Variants in UNCX observed in about 807,000 individuals in gnomAD.
UNCX encodes homeobox protein unc-4 homolog.
A neutral mutation model predicts 14.8 loss-of-function variants in UNCX; 4 were observed. The ratio of observed to expected loss-of-function variants is 0.27; its 90% CI spans 0.13 to 0.62. The LOEUF is 0.62. Among genes scored for constraint, UNCX ranks in the 20% least tolerant of loss-of-function variants. The pLI is 0.86. For missense variants in UNCX, 749 were observed against 786.8 expected (o/e 0.95, Z 0.58); for synonymous variants, 459 against 395.8 (o/e 1.16, Z -1.90).
chr7:1,235,957 C>A lies in UNCX; in HGVS notation c.576C>A (p.Ile192=), dbSNP rs755901417. The A allele has an allele frequency of 1.2e-6, 2 of 1,612,192 alleles. No homozygotes were observed. Among genetic ancestry groups the A allele is most frequent in the South Asian group, 1.1e-5 (1 of 90,986 alleles). ...GCGAGCCCATGGACCCGGAGGAGAT[C>A]GCGCGCAAGGAGCTGGAGAAGATGG... ...CSGEPMDPEE[I]ARKELEKMEK... The change falls in exon 3 of 3, where the codon ATC becomes ATA. Residue 192 remains isoleucine (I), a synonymous_variant. Transcript: ENST00000316333.
Position 1,236,362 on chromosome 7 carries a change from CA to C in UNCX, c.983del (p.Lys328ArgfsTer45). The C allele has an allele frequency of 7.4e-7, 1 of 1,344,066 alleles. No individual in the cohort carries two copies. The highest frequency in any genetic ancestry group is 9.6e-7 in the Non-Finnish European group (1 of 1,045,004). 83.3% of individuals were successfully genotyped at this position (1,344,066 alleles called of 1,614,324 possible). Reference sequence around the variant, plus strand: ...TGGAGCGCGGCGCCGCGGGGCTGCCCAAGGCCAGCCCATTCAGCGTGGAGAG... The same window carrying C: ...TGGAGCGCGGCGCCGCGGGGCTGCCCAGGCCAGCCCATTCAGCGTGGAGAG... The part of the protein sequence containing the change: ...AVERGAAGLP[K>X]ASPFSVESLL... On this transcript the variant is annotated frameshift_variant, in exon 3 of 3. Transcript: ENST00000316333. LOFTEE classifies it low-confidence loss of function (END_TRUNC). This position sits in a 1 kb window ranked among gnomAD's most constrained non-coding sequence, Gnocchi z 6.9.
At position 1,236,777 on chromosome 7, in the gene UNCX, G is replaced by A; in HGVS notation, c.1396G>A (p.Ala466Thr). 2 of 987,616 alleles carry A rather than the reference G, an allele frequency of 2.0e-6. No homozygotes were observed. Among genetic ancestry groups the A allele is most frequent in the Non-Finnish European group, 2.4e-6 (2 of 832,970 alleles). The allele number at this position is 987,616 out of a possible 1,614,324, so 61.2% of individuals were successfully genotyped here. A position where few individuals can be genotyped will look rare whatever the true frequency, so the allele number is the denominator to read the frequency against. ...APAPFRDLAS[A>T]AATEGGGGDC... ...GGCGCCTTTCCGGGACCTCGCCTCG[G>A]CAGCGGCTACCGAGGGCGGCGGCGG... The change falls in exon 3 of 3, where the codon GCA becomes ACA. Residue 466 changes from alanine (A) to threonine (T), a missense_variant. Ala to Thr is a moderately conservative substitution (Grantham distance 58). Transcript: ENST00000316333. The surrounding 1 kb of genome is among the most constrained non-coding windows in gnomAD (Gnocchi z 6.9).
In UNCX at chr7:1,233,167, G is replaced by A. The variant is rs1389699428; in HGVS notation, c.150G>A (p.Val50=). 6.8e-7 allele frequency: 1 copy of A among 1,463,570 alleles called. No individual in the cohort carries two copies. Among genetic ancestry groups the A allele is most frequent in the South Asian group, 1.3e-5 (1 of 77,504 alleles). 90.7% of individuals were successfully genotyped at this position (1,463,570 alleles called of 1,614,324 possible). Residue 50 remains valine (V), a synonymous_variant, in exon 1 of 3, where the codon GTG becomes GTA. Transcript: ENST00000316333. This position sits in a 1 kb window ranked among gnomAD's most constrained non-coding sequence, Gnocchi z 5.3. ...QLQSAAAAAS[V]PFSIDGLLGG... ...AGTCGGCCGCCGCCGCCGCCTCGGT[G>A]CCCTTCTCCATCGACGGCCTGCTCG...
Position 1,233,398 on chromosome 7 carries a change from T to C in UNCX, c.274+107T>C, listed in dbSNP as rs1323035406. The C allele has an allele frequency of 7.9e-7, 1 of 1,266,256 alleles. No homozygotes were observed. The highest frequency in any genetic ancestry group is 1.0e-6 in the Non-Finnish European group (1 of 996,152). 78.4% of individuals were successfully genotyped at this position (1,266,256 alleles called of 1,614,324 possible). On this transcript the variant is annotated intron_variant, in intron 1 of 2. Coordinates refer to ENST00000316333, the MANE Select transcript of UNCX (RefSeq NM_001080461.3). The surrounding 1 kb of genome is among the most constrained non-coding windows in gnomAD (Gnocchi z 5.3). ...GGGCTGGCGAAGGAGAGCCGGCTCCTAGGCGGCCGTCTCTGCGCCCCCCCC... is the reference window on the plus strand; with the variant it reads ...GGGCTGGCGAAGGAGAGCCGGCTCCCAGGCGGCCGTCTCTGCGCCCCCCCC...
Position 1,237,095 on chromosome 7 carries a change from TTTTC to T in UNCX, c.*126_*129del, listed in dbSNP as rs1778763590. Reference sequence around the variant, plus strand: ...CACTGCTTTCCCTTCTTTTCTTTTGTTTTCTTTCTTTTATTATTTTTTTTAAGAG... The same window carrying T: ...CACTGCTTTCCCTTCTTTTCTTTTGTTTTCTTTTATTATTTTTTTTAAGAG... On this transcript the variant is annotated 3_prime_UTR_variant, in exon 3 of 3. Coordinates refer to ENST00000316333, the MANE Select transcript of UNCX (RefSeq NM_001080461.3). This position sits in a 1 kb window ranked among gnomAD's most constrained non-coding sequence, Gnocchi z 5.8. 2.2e-6 allele frequency: 2 copies of T among 895,682 alleles called. No individual in the cohort carries two copies. Among genetic ancestry groups the T allele is most frequent in the Non-Finnish European group, 2.7e-6 (2 of 733,764 alleles). 55.5% of individuals were successfully genotyped at this position (895,682 alleles called of 1,614,324 possible).
rs1778673605 is a variant in UNCX at position 1,233,113 on chromosome 7, C to A, written c.96C>A (p.His32Gln). 6.8e-7 allele frequency: 1 copy of A among 1,464,018 alleles called. No individual in the cohort carries two copies. The highest frequency in any genetic ancestry group is 9.0e-7 in the Non-Finnish European group (1 of 1,111,544). 90.7% of individuals were successfully genotyped at this position (1,464,018 alleles called of 1,614,324 possible). Residue 32 changes from histidine to glutamine, a missense_variant, in exon 1 of 3, where the codon CAC (histidine) becomes CAA (glutamine). Physicochemically the swap from His to Gln is conservative, Grantham distance 24. Around this residue, in one of 3 missense-constraint regions of UNCX, gnomAD observed 155 missense variants for 166.7 expected, o/e 0.93. Transcript: ENST00000316333. The surrounding 1 kb of genome is among the most constrained non-coding windows in gnomAD (Gnocchi z 5.3). ...VGFPYPLGHH[H>Q]VYELAGHQLQ... ...TCCCCTACCCGCTGGGCCACCACCA[C>A]GTGTACGAGCTGGCCGGGCACCAGC...
At chr7:1,234,362 G>A (rs1022785771) in intron 2 of UNCX, among the ~76,000 whole-genome samples, 5 of 152,120 alleles carry the variant, frequency 3.3e-5, no homozygotes, top group Non-Finnish European at 1.5e-5. Flanking sequence ...TTTGGAGATG[G>A]CTGATGGTAT....
In UNCX at chr7:1,233,657, C is replaced by T; in HGVS notation, c.412C>T (p.Leu138=). ...TCCCGACGTGTTCATGCGCGAGGCG[C>T]TGGCGCTGCGCCTAGACCTGGTCGA... ...HYPDVFMREA[L]ALRLDLVESR... is the part of the protein sequence containing the mutation. Residue 138 remains leucine, a synonymous_variant, in exon 2 of 3, where the codon CTG becomes TTG. Transcript: ENST00000316333. This position sits in a 1 kb window ranked among gnomAD's most constrained non-coding sequence, Gnocchi z 5.3. The T allele has an allele frequency of 1.2e-6, 2 of 1,612,158 alleles. No individual in the cohort carries two copies. Among genetic ancestry groups the T allele is most frequent in the Non-Finnish European group, 1.7e-6 (2 of 1,179,376 alleles).
Position 1,236,512 on chromosome 7 carries a change from C to T in UNCX, c.1131C>T (p.His377=). The change falls in exon 3 of 3, where the codon CAC becomes CAT. Residue 377 remains histidine (H), a synonymous_variant. Transcript: ENST00000316333. The surrounding 1 kb of genome is among the most constrained non-coding windows in gnomAD (Gnocchi z 6.9). ...CAPRTLIGKG[H]FLLYPITQPL... The stretch of plus-strand genomic sequence containing the variant: ...CGCGGACCCTGATCGGCAAGGGCCA[C>T]TTCCTCCTCTACCCCATCACGCAGC... 6 of 1,410,284 alleles carry T rather than the reference C, an allele frequency of 4.3e-6. No individual in the cohort carries two copies. Among genetic ancestry groups the T allele is most frequent in the South Asian group, 1.3e-5 (1 of 74,446 alleles). The allele number at this position is 1,410,284 out of a possible 1,614,324, so 87.4% of individuals were successfully genotyped here.
rs1001026615 is a variant in UNCX, at chr7:1,236,970, T to C, written c.1589T>C (p.Met530Thr). Residue 530 changes from methionine (M) to threonine (T), a missense_variant, in exon 3 of 3, where the codon ATG becomes ACG. By Grantham distance (81) the Met-to-Thr change is moderately conservative. Coordinates refer to ENST00000316333, the MANE Select transcript of UNCX (RefSeq NM_001080461.3). This position sits in a 1 kb window ranked among gnomAD's most constrained non-coding sequence, Gnocchi z 6.9. ...PSPPEGEELDMD is the reference protein window; with the variant it reads ...PSPPEGEELDTD ...CCGCCGGAGGGCGAGGAGCTGGACA[T>C]GGACTGAGGCCGCGGCGGCCGGGAG... 3.9e-5 allele frequency: 46 copies of C among 1,192,702 alleles called. No homozygotes were observed. The highest frequency in any genetic ancestry group is 9.1e-5 in the Admixed American group (2 of 22,090). 73.9% of individuals were successfully genotyped at this position (1,192,702 alleles called of 1,614,324 possible). A position where few individuals can be genotyped will look rare whatever the true frequency, so the allele number is the denominator to read the frequency against.
rs1412189550 is a variant in UNCX at position 1,235,947 on chromosome 7, C to G, written c.566C>G (p.Pro189Arg). The change falls in exon 3 of 3, where the codon CCG (proline) becomes CGG (arginine). Residue 189 changes from proline (P) to arginine (R), a missense_variant. Physicochemically the swap from Pro to Arg is moderately radical, Grantham distance 103 (BLOSUM62 -2). Coordinates refer to ENST00000316333, the MANE Select transcript of UNCX (RefSeq NM_001080461.3). The part of the protein sequence containing the change: ...PTTCSGEPMD[P>R]EEIARKELEK... ...ACGTGCAGCGGCGAGCCCATGGACC[C>G]GGAGGAGATCGCGCGCAAGGAGCTG... is the stretch of plus-strand genomic sequence containing the variant. 1.9e-6 allele frequency: 3 copies of G among 1,612,274 alleles called. No homozygotes were observed. Among genetic ancestry groups the G allele is most frequent in the African/African-American group, 2.7e-5 (2 of 74,916 alleles).
rs1179900121 is a variant in UNCX at position 1,236,262 on chromosome 7, G to C, written c.881G>C (p.Gly294Ala). 1 of 1,378,278 alleles carries C rather than the reference G, an allele frequency of 7.3e-7. No individual in the cohort carries two copies. The highest frequency in any genetic ancestry group is 9.4e-7 in the Non-Finnish European group (1 of 1,058,816). The allele number at this position is 1,378,278 out of a possible 1,614,324, so 85.4% of individuals were successfully genotyped here. ...AFYPSQRSGA[G>A]PQPRPGRPAD... ...TACCCGAGCCAAAGAAGCGGCGCCG[G>C]CCCACAGCCGCGCCCAGGTCGCCCT... is the stretch of plus-strand genomic sequence containing the variant. Residue 294 changes from glycine (G) to alanine (A), a missense_variant, in exon 3 of 3, where the codon GGC becomes GCC. Gly to Ala is a moderately conservative substitution (Grantham distance 60). This residue lies in a region of UNCX where 552 missense variants were observed against 507.2 expected (regional missense o/e 1.09). Transcript: ENST00000316333. This position sits in a 1 kb window ranked among gnomAD's most constrained non-coding sequence, Gnocchi z 6.9.
chr7:1,235,760 G>T (rs1457188331), intron 2 of UNCX, 72 bp from the exon 3 acceptor site: 4 of 1,410,824 alleles, frequency 2.8e-6, no homozygotes, highest in Non-Finnish European at 3.9e-6. Flanking sequence ...GGGGGGAGCG[G>T]GGAGGTCCTC....
At chr7:1,234,085 C>G (rs894077752) in intron 2 of UNCX, among the ~76,000 whole-genome samples, 2 of 151,938 alleles carry the variant, frequency 1.3e-5, no homozygotes, top group Non-Finnish European at 2.9e-5. Context: ...GACCCCCCCC[C>G]GCCCCCGCAC....
intron 2 of UNCX, among the ~76,000 whole-genome samples, chr7:1,234,553 C>T (rs1295137263): frequency 6.6e-6 from 1 of 151,296 alleles, no homozygotes; most frequent in Non-Finnish European, 1.5e-5. Context: ...GCTGGCAAAA[C>T]GCCTGTTTAT....
Position 1,236,525 on chromosome 7 carries a change from C to G in UNCX, c.1144C>G (p.Pro382Ala). ...LIGKGHFLLY[P>A]ITQPLGFLVP... ...CGGCAAGGGCCACTTCCTCCTCTAC[C>G]CCATCACGCAGCCGCTCGGCTTCCT... is the stretch of plus-strand genomic sequence containing the variant. Residue 382 changes from proline (P) to alanine (A), a missense_variant, in exon 3 of 3, where the codon CCC becomes GCC. Physicochemically the swap from Pro to Ala is conservative, Grantham distance 27. Coordinates refer to ENST00000316333, the MANE Select transcript of UNCX (RefSeq NM_001080461.3). This position sits in a 1 kb window ranked among gnomAD's most constrained non-coding sequence, Gnocchi z 6.9. 7.1e-7 allele frequency: 1 copy of G among 1,401,836 alleles called. No homozygotes were observed. The highest frequency in any genetic ancestry group is 9.3e-7 in the Non-Finnish European group (1 of 1,071,190). The allele number at this position is 1,401,836 out of a possible 1,614,324, so 86.8% of individuals were successfully genotyped here. A position where few individuals can be genotyped will look rare whatever the true frequency, so the allele number is the denominator to read the frequency against.
In UNCX at chr7:1,233,897, G is replaced by C. The variant is rs1006715165; in HGVS notation, c.450+202G>C. ...CGGGGTGGGTAACTGCCCCCCAAAA[G>C]CCTGGGCGGCTTGAGAAGGGCCGGC... On this transcript the variant is annotated intron_variant, in intron 2 of 2. Coordinates refer to ENST00000316333, the MANE Select transcript of UNCX (RefSeq NM_001080461.3). This position sits in a 1 kb window ranked among gnomAD's most constrained non-coding sequence, Gnocchi z 5.3. Among the ~76,000 whole-genome samples, 1 of 152,266 alleles carries C rather than the reference G, an allele frequency of 6.6e-6. No homozygotes were observed. Among genetic ancestry groups the C allele is most frequent in the African/African-American group, 2.4e-5 (1 of 41,480 alleles).
In UNCX at chr7:1,236,937, G is replaced by T; in HGVS notation, c.1556G>T (p.Gly519Val). ...GTTCCCGAGCCTGGCGCGGCGGCCG[G>T]ACCCAGCCCGCCGGAGGGCGAGGAG... Reference protein sequence around the residue: ...CGVPEPGAAAGPSPPEGEELD... With the variant: ...CGVPEPGAAAVPSPPEGEELD... Residue 519 changes from glycine to valine, a missense_variant, in exon 3 of 3, where the codon GGA becomes GTA. Coordinates refer to ENST00000316333, the MANE Select transcript of UNCX (RefSeq NM_001080461.3). This position sits in a 1 kb window ranked among gnomAD's most constrained non-coding sequence, Gnocchi z 6.9. 1 of 1,197,640 alleles carries T rather than the reference G, an allele frequency of 8.3e-7. No individual in the cohort carries two copies. Among genetic ancestry groups the T allele is most frequent in the South Asian group, 3.8e-5 (1 of 26,532 alleles). 74.2% of individuals were successfully genotyped at this position (1,197,640 alleles called of 1,614,324 possible). A position where few individuals can be genotyped will look rare whatever the true frequency, so the allele number is the denominator to read the frequency against.
At position 1,233,397 on chromosome 7, in the gene UNCX, C is replaced by T; in HGVS notation, c.274+106C>T. ...GGGGCTGGCGAAGGAGAGCCGGCTC[C>T]TAGGCGGCCGTCTCTGCGCCCCCCC... On this transcript the variant is annotated intron_variant, in intron 1 of 2. Coordinates refer to ENST00000316333, the MANE Select transcript of UNCX (RefSeq NM_001080461.3). The surrounding 1 kb of genome is among the most constrained non-coding windows in gnomAD (Gnocchi z 5.3). 1.5e-6 allele frequency: 2 copies of T among 1,308,558 alleles called. No individual in the cohort carries two copies. The highest frequency in any genetic ancestry group is 3.2e-5 in the East Asian group (1 of 31,204). 81.1% of individuals were successfully genotyped at this position (1,308,558 alleles called of 1,614,324 possible). A position where few individuals can be genotyped will look rare whatever the true frequency, so the allele number is the denominator to read the frequency against.
Sources: allele counts gnomAD v4.1 joint callset (sites outside exome capture counted in the v4.1 genomes callset), GRCh38; gene constraint gnomAD v4.1.1; regional missense constraint gnomAD v4.1.1; non-coding constraint Gnocchi (gnomAD v3.1); transcripts MANE v1.5; gene names NCBI Gene and HGNC (gene_info 2026-07-23, HGNC 2026-07-21).